USP6NL: variants seen among roughly 807,000 people sequenced by gnomAD.
The protein encoded by USP6NL is USP6 N-terminal like.
A neutral mutation model predicts 61.9 loss-of-function variants in USP6NL; 26 were observed. The ratio of observed to expected loss-of-function variants is 0.42; its 90% CI spans 0.31 to 0.58. The LOEUF is 0.58. USP6NL is among the 20% of genes least tolerant of loss of function. The pLI is 0.16. For synonymous variants in USP6NL, 432 were observed against 390.1 expected (o/e 1.11, Z -1.27); for missense variants, 1,114 against 1,034.3 (o/e 1.08, Z -1.06).
chr10:11,483,627 GGGA>G (rs1356796226), intron 13 of USP6NL, among the ~76,000 whole-genome samples: 4 of 1,332 alleles, frequency 3.0e-3, no homozygotes, highest in Admixed American at 6.7e-3. Flanking sequence ...GGGGGAGAAG[GGGA>G]GGGAGAGGGG....
rs747445623 is a variant in USP6NL, at chr10:11,461,833, A to G, written c.*608T>C. The G allele has an allele frequency of 3.9e-5, 6 of 152,268 alleles. No homozygotes were observed. The highest frequency in any genetic ancestry group is 8.8e-5 in the Non-Finnish European group (6 of 68,064). 9.4% of individuals were successfully genotyped at this position (152,268 alleles called of 1,614,324 possible). On this transcript the variant is annotated 3_prime_UTR_variant, in exon 15 of 15. Coordinates refer to ENST00000609104, the MANE Select transcript of USP6NL (RefSeq NM_014688.5). ...ATGAGCATTCTGTGAGACTGCAATT[A>G]ATAAAGTCAGGACAAACTCTTCAGT... is the stretch of plus-strand genomic sequence containing the variant.
rs1308657007 is a variant in USP6NL at position 11,532,607 on chromosome 10, T to A, written c.5-5040A>T. Among the ~76,000 whole-genome samples, 1 of 152,194 alleles carries A rather than the reference T, an allele frequency of 6.6e-6. No individual in the cohort carries two copies. The highest frequency in any genetic ancestry group is 1.5e-5 in the Non-Finnish European group (1 of 68,038). On this transcript the variant is annotated intron_variant, in intron 2 of 14. Coordinates refer to ENST00000609104, the MANE Select transcript of USP6NL (RefSeq NM_014688.5). The surrounding 1 kb of genome is among the most constrained non-coding windows in gnomAD (Gnocchi z 4.1). ...GAAGCAGCTTCATAATGTGCCTTCA[T>A]CTTGTGTCTCGATATTAGCCACTTT...
At chr10:11,514,047 A>C (rs1834846135) in intron 5 of USP6NL, among the ~76,000 whole-genome samples, 1 of 152,218 alleles carries the variant, frequency 6.6e-6, no homozygotes, top group South Asian at 2.1e-4. Flanking sequence ...TACCACTTCT[A>C]GCGATGATGC....
In USP6NL at chr10:11,562,372, G is replaced by A; in HGVS notation, c.5-34805C>T. The A allele has an allele frequency of 1.0e-6, 1 of 985,264 alleles. No homozygotes were observed. Among genetic ancestry groups the A allele is most frequent in the African/African-American group, 1.7e-5 (1 of 57,314 alleles). 61.0% of individuals were successfully genotyped at this position (985,264 alleles called of 1,614,324 possible). A position where few individuals can be genotyped will look rare whatever the true frequency, so the allele number is the denominator to read the frequency against. On this transcript the variant is annotated intron_variant, in intron 2 of 14. Coordinates refer to ENST00000609104, the MANE Select transcript of USP6NL (RefSeq NM_014688.5). The surrounding 1 kb of genome is among the most constrained non-coding windows in gnomAD (Gnocchi z 4.8). Reference sequence around the variant, plus strand: ...GAAAAGCTTTTGCATTCCTTACACAGGTGACACCAACTTCAGATTTCCCCT... The same window carrying A: ...GAAAAGCTTTTGCATTCCTTACACAAGTGACACCAACTTCAGATTTCCCCT...
intron 4 of USP6NL, among the ~76,000 whole-genome samples, chr10:11,523,993 C>A (rs1835324857): frequency 6.6e-6 from 1 of 152,136 alleles, no homozygotes; most frequent in Non-Finnish European, 1.5e-5. Context: ...CTTCATACCC[C>A]AGATCTGCAC....
Position 11,518,641 on chromosome 10 carries a change from C to T in USP6NL, c.156-67G>A. ...AAACAAACTTTTAAAAGCTTATATA[C>T]TTATAGATACATATGACATACAATA... On this transcript the variant is annotated intron_variant, in intron 4 of 14. Transcript: ENST00000609104. The surrounding 1 kb of genome is among the most constrained non-coding windows in gnomAD (Gnocchi z 5.3). The T allele has an allele frequency of 8.6e-7, 1 of 1,167,756 alleles. No individual in the cohort carries two copies. Among genetic ancestry groups the T allele is most frequent in the Non-Finnish European group, 1.3e-6 (1 of 791,440 alleles). 72.3% of individuals were successfully genotyped at this position (1,167,756 alleles called of 1,614,324 possible).
intron 1 of USP6NL, among the ~76,000 whole-genome samples, chr10:11,601,346 A>G (rs1838524078): frequency 6.6e-6 from 1 of 152,214 alleles, no homozygotes; most frequent in Admixed American, 6.5e-5. Flanking sequence ...GTAACATACT[A>G]TAAAGAAAAG....
chr10:11,531,832 T>C (rs1835673881), intron 2 of USP6NL, among the ~76,000 whole-genome samples: 1 of 152,334 alleles, frequency 6.6e-6, no homozygotes, highest in East Asian at 1.9e-4. Context: ...TACTCAAGTA[T>C]ACAGGAAAAT....
At chr10:11,466,295 C>A (rs759997010) in intron 14 of USP6NL, among the ~76,000 whole-genome samples, 1 of 152,216 alleles carries the variant, frequency 6.6e-6, no homozygotes. Flanking sequence ...TTACTTCCCT[C>A]ATCCTGAACA....
Position 11,585,861 on chromosome 10 carries a change from G to C in USP6NL, c.4+11770C>G, listed in dbSNP as rs1434404191. 6.6e-6 allele frequency among the ~76,000 whole-genome samples: 1 copy of C among 152,104 alleles called. No individual in the cohort carries two copies. The highest frequency in any genetic ancestry group is 1.9e-4 in the East Asian group (1 of 5,200). On this transcript the variant is annotated intron_variant, in intron 2 of 14. Coordinates refer to ENST00000609104, the MANE Select transcript of USP6NL (RefSeq NM_014688.5). The surrounding 1 kb of genome is among the most constrained non-coding windows in gnomAD (Gnocchi z 4.5). ...AAATACATTGTGCTGAGTTAAACCA[G>C]TTACAAAAATACAAATACTGAATGA...
chr10:11,501,415 A>AT (rs1834188537), intron 6 of USP6NL, among the ~76,000 whole-genome samples: 1 of 152,254 alleles, frequency 6.6e-6, no homozygotes, highest in Non-Finnish European at 1.5e-5. Flanking sequence ...AGGAGAGAGT[A>AT]TAACAAGAAA....
Position 11,495,070 on chromosome 10 carries a change from T to G in USP6NL, c.385-1842A>C, listed in dbSNP as rs185302118. Among the ~76,000 whole-genome samples, 3 of 152,182 alleles carry G rather than the reference T, an allele frequency of 2.0e-5. No individual in the cohort carries two copies. The highest frequency in any genetic ancestry group is 7.2e-5 in the African/African-American group (3 of 41,460). On this transcript the variant is annotated intron_variant, in intron 7 of 14. Transcript: ENST00000609104. The surrounding 1 kb of genome is among the most constrained non-coding windows in gnomAD (Gnocchi z 4.6). ...CACTTACGCTACTGCTAGACCTCGGTCCGCCTGGCAACGGGCGTCTTCCCA... is the reference window on the plus strand; with the variant it reads ...CACTTACGCTACTGCTAGACCTCGGGCCGCCTGGCAACGGGCGTCTTCCCA...
chr10:11,510,307 T>C lies in USP6NL; in HGVS notation c.196-632A>G, dbSNP rs1293494548. ...AGGGGCAGTCAAATCCACCTAGGCA[T>C]GCCAGAGAAAATGATCCCAAAATGA... On this transcript the variant is annotated intron_variant, in intron 5 of 14. Coordinates refer to ENST00000609104, the MANE Select transcript of USP6NL (RefSeq NM_014688.5). This position sits in a 1 kb window ranked among gnomAD's most constrained non-coding sequence, Gnocchi z 4.8. Among the ~76,000 whole-genome samples the C allele has an allele frequency of 6.6e-6, 1 of 152,054 alleles. No homozygotes were observed. Among genetic ancestry groups the C allele is most frequent in the Non-Finnish European group, 1.5e-5 (1 of 68,020 alleles).
At chr10:11,568,387 CAT>C (rs1457024704) in intron 2 of USP6NL, among the ~76,000 whole-genome samples, 2 of 152,114 alleles carry the variant, frequency 1.3e-5, no homozygotes, top group Non-Finnish European at 2.9e-5. Context: ...TACCTAAAGT[CAT>C]ATGATAGTAA....
intron 2 of USP6NL, among the ~76,000 whole-genome samples, chr10:11,530,935 GAACC>G (rs1469700112): frequency 6.6e-6 from 1 of 152,156 alleles, no homozygotes; most frequent in African/African-American, 2.4e-5. Flanking sequence ...TCTGTTGAAA[GAACC>G]AACCGTGTGC....
chr10:11,527,657 A>T (rs1835475209), intron 2 of USP6NL, 90 bp from the exon 3 acceptor site: 1 of 1,125,120 alleles, frequency 8.9e-7, no homozygotes. Context: ...TAAAACAAAA[A>T]ATAAATACTG....
Position 11,520,634 on chromosome 10 carries a change from GACC to G in USP6NL, c.156-2063_156-2061del, listed in dbSNP as rs1424876537. On this transcript the variant is annotated intron_variant, in intron 4 of 14. Transcript: ENST00000609104. The surrounding 1 kb of genome is among the most constrained non-coding windows in gnomAD (Gnocchi z 5.2). Reference sequence around the variant, plus strand: ...CTTCAAGTGGAGGAGAAGAAAGAAGGACCACAATCTGGGTGAATGCAGAGAATT... The same window carrying G: ...CTTCAAGTGGAGGAGAAGAAAGAAGGACAATCTGGGTGAATGCAGAGAATT... Among the ~76,000 whole-genome samples the G allele has an allele frequency of 6.6e-6, 1 of 152,206 alleles. No homozygotes were observed. The highest frequency in any genetic ancestry group is 1.5e-5 in the Non-Finnish European group (1 of 68,030).
chr10:11,496,872 A>G lies in USP6NL; in HGVS notation c.385-3644T>C, dbSNP rs547702088. Among the ~76,000 whole-genome samples the G allele has an allele frequency of 2.0e-5, 3 of 152,222 alleles. No homozygotes were observed. In the East Asian group the frequency reaches 5.8e-4, roughly 29 times the overall value. ...TTTATGAGTCTGTGTATTTTTGTGT[A>G]TTGAAGGTCAGAGAAGGGGCTTCTG... is the stretch of plus-strand genomic sequence containing the variant. On this transcript the variant is annotated intron_variant, in intron 7 of 14. Coordinates refer to ENST00000609104, the MANE Select transcript of USP6NL (RefSeq NM_014688.5). The surrounding 1 kb of genome is among the most constrained non-coding windows in gnomAD (Gnocchi z 5.4).
At chr10:11,524,206 A>G (rs10795866) in intron 4 of USP6NL, among the ~76,000 whole-genome samples, 138,980 of 152,242 alleles carry the variant, frequency 0.91, 63,531 homozygotes, top group Admixed American at 0.94. Context: ...AACAGGGCAA[A>G]ACCTGTCTCG....
Sources: gnomAD v4.1 joint callset for allele counts (sites outside exome capture counted in the v4.1 genomes callset) on GRCh38, gnomAD v4.1.1 for gene constraint, Gnocchi (gnomAD v3.1) non-coding constraint, MANE v1.5 for transcripts, NCBI Gene and HGNC (gene_info 2026-07-23, HGNC 2026-07-21) for gene names.